The following LAMA4 variants were observed in gnomAD, a reference collection of about 807,000 sequenced individuals.
The protein encoded by LAMA4 is laminin subunit alpha 4.
A neutral mutation model predicts 207.1 loss-of-function variants in LAMA4; 127 were observed. The ratio of observed to expected loss-of-function variants is 0.61; its 90% CI spans 0.53 to 0.71. The LOEUF (loss-of-function observed/expected upper bound fraction) is 0.71. LAMA4 is among the 30% of genes least tolerant of loss of function. The pLI, the probability that LAMA4 is intolerant of heterozygous loss-of-function variation, is 0.00. For missense variants in LAMA4, 2,093 were observed against 2,246.5 expected (o/e 0.93, Z 1.38); for synonymous variants, 761 against 816.0 (o/e 0.93, Z 1.15).
Position 112,233,635 on chromosome 6 carries a change from T to C in LAMA4, c.196-17166A>G, listed in dbSNP as rs182505843. Reference sequence around the variant, plus strand: ...AGAGCGGGAATCAAAAATGGTTCTTTGGTAGATGTGCGGTTTGTGGAGGAT... The same window carrying C: ...AGAGCGGGAATCAAAAATGGTTCTTCGGTAGATGTGCGGTTTGTGGAGGAT... On this transcript the variant is annotated intron_variant, in intron 2 of 38. Coordinates refer to ENST00000230538, the MANE Select transcript of LAMA4 (RefSeq NM_001105206.3). Among the ~76,000 whole-genome samples, 162 of 152,194 alleles carry C rather than the reference T, an allele frequency of 1.1e-3. 1 individual carries two copies. Among genetic ancestry groups the C allele is most frequent in the Non-Finnish European group, 1.7e-3 (113 of 67,990 alleles).
At chr6:112,210,061 G>A (rs1784280076) in intron 3 of LAMA4, among the ~76,000 whole-genome samples, 1 of 152,074 alleles carries the variant, frequency 6.6e-6, no homozygotes. Flanking sequence ...CAGGCCATGT[G>A]AAGATGTGCC....
chr6:112,138,076 T>C (rs1554332063), intron 24 of LAMA4, among the ~76,000 whole-genome samples: 1 of 152,110 alleles, frequency 6.6e-6, no homozygotes, highest in Non-Finnish European at 1.5e-5. Flanking sequence ...CTACAAAAAC[T>C]CTCCTATCAG....
Position 112,119,325 on chromosome 6 carries a change from A to G in LAMA4, c.4666-14T>C, listed in dbSNP as rs1583638254. On this transcript the variant is annotated splice_polypyrimidine_tract_variant and intron_variant, in intron 33 of 38. Coordinates refer to ENST00000230538, the MANE Select transcript of LAMA4 (RefSeq NM_001105206.3). ...AATAAATATCACCTGGATGAAGAGA[A>G]GGACAATAGCACATCTCAGGTACAT... 5 of 1,612,902 alleles carry G rather than the reference A, an allele frequency of 3.1e-6. No individual in the cohort carries two copies. In the East Asian group the frequency reaches 1.1e-4, roughly 36 times the overall value.
At chr6:112,179,826 A>T (rs1215725103) in intron 9 of LAMA4, 12 of 477,218 alleles carry the variant, frequency 2.5e-5, no homozygotes, top group South Asian at 1.2e-4. Context: ...CACAGAGCCC[A>T]CTGTGCAGCG....
At chr6:112,197,868 C>T (rs1006830260) in intron 5 of LAMA4, among the ~76,000 whole-genome samples, 1 of 152,206 alleles carries the variant, frequency 6.6e-6, no homozygotes, top group East Asian at 1.9e-4. Flanking sequence ...CTGTTATTTT[C>T]TCCCAGCACT....
intron 16 of LAMA4, among the ~76,000 whole-genome samples, chr6:112,153,223 G>T (rs1554336116): frequency 6.6e-6 from 1 of 151,988 alleles, no homozygotes; most frequent in Non-Finnish European, 1.5e-5. Context: ...TTGGAATGGA[G>T]AAATGTAATC....
chr6:112,126,455 A>T (rs1417402280), intron 31 of LAMA4, among the ~76,000 whole-genome samples: 3 of 152,212 alleles, frequency 2.0e-5, no homozygotes, highest in Non-Finnish European at 2.9e-5. Flanking sequence ...CAATGAAATT[A>T]TCTGTCTTCC....
Position 112,150,564 on chromosome 6 carries a change from G to C in LAMA4, c.2120C>G (p.Ala707Gly). 1.2e-6 allele frequency: 2 copies of C among 1,613,974 alleles called. No individual in the cohort carries two copies. The highest frequency in any genetic ancestry group is 1.7e-5 in the Admixed American group (1 of 60,012). The change falls in exon 17 of 39, where the codon GCC (alanine) becomes GGC (glycine). Residue 707 changes from alanine (A) to glycine (G), a missense_variant. Around this residue, in one of 3 missense-constraint regions of LAMA4, gnomAD observed 1,704 missense variants for 1,788.4 expected, o/e 0.95. Coordinates refer to ENST00000230538, the MANE Select transcript of LAMA4 (RefSeq NM_001105206.3). Reference sequence around the variant, plus strand: ...GGCATCACTGAGTCTGGTTTTAAGGGCACTTTTCCTTGCTAGGGCTCCACC... The same window carrying C: ...GGCATCACTGAGTCTGGTTTTAAGGCCACTTTTCCTTGCTAGGGCTCCACC... ...RVGGALARKSALKTRLSDAVK... is the reference protein window; with the variant it reads ...RVGGALARKSGLKTRLSDAVK...
intron 2 of LAMA4, among the ~76,000 whole-genome samples, chr6:112,230,176 A>G (rs1785462824): frequency 6.6e-6 from 1 of 152,220 alleles, no homozygotes; most frequent in South Asian, 2.1e-4. Context: ...TTTGTTCACC[A>G]TGCACCTGGC....
At chr6:112,179,201 T>C (rs1189848399) in intron 9 of LAMA4, 1 of 152,176 alleles carries the variant, frequency 6.6e-6, no homozygotes, top group Admixed American at 6.5e-5. Flanking sequence ...TCACACAGTA[T>C]TTGTCAAAAA....
rs782121531 is a variant in LAMA4 at position 112,191,681 on chromosome 6, C to T, written c.673G>A (p.Ala225Thr). The change falls in exon 6 of 39, where the codon GCT (alanine) becomes ACT (threonine). Residue 225 changes from alanine (A) to threonine (T), a missense_variant. By Grantham distance (58) the Ala-to-Thr change is moderately conservative. Transcript: ENST00000230538. ...NTTGFKCERC[A>T]PGYYGDARIA... The stretch of plus-strand genomic sequence containing the variant: ...CTGGCGTCCCCATAGTAGCCAGGAG[C>T]GCAACGTTCACACTTGAATCCGGTG... 1.2e-5 allele frequency: 19 copies of T among 1,613,956 alleles called. No homozygotes were observed. Among genetic ancestry groups the T allele is most frequent in the African/African-American group, 5.3e-5 (4 of 74,926 alleles).
At chr6:112,174,850 A>C (rs1157068278) in intron 11 of LAMA4, among the ~76,000 whole-genome samples, 5 of 152,224 alleles carry the variant, frequency 3.3e-5, no homozygotes, top group East Asian at 1.9e-4. Context: ...AGATTCAATA[A>C]TACTACTGTG....
rs587704634 is a variant in LAMA4 at position 112,109,192 on chromosome 6, G to C, written c.*245C>G. On this transcript the variant is annotated 3_prime_UTR_variant, in exon 39 of 39. Transcript: ENST00000230538. ...CAGTAATTTCACCAGTAGGAATTGC[G>C]TGTGCTCTCAATACAAGTAAGTTTG... 3.8e-6 allele frequency: 2 copies of C among 530,030 alleles called. No homozygotes were observed. Among genetic ancestry groups the C allele is most frequent in the Non-Finnish European group, 6.8e-6 (2 of 294,372 alleles). 32.8% of individuals were successfully genotyped at this position (530,030 alleles called of 1,614,324 possible). A position where few individuals can be genotyped will look rare whatever the true frequency, so the allele number is the denominator to read the frequency against.
intron 6 of LAMA4, 137 bp downstream of exon 6, chr6:112,191,499 T>C: frequency 1.4e-6 from 1 of 708,908 alleles, no homozygotes; most frequent in Non-Finnish European, 2.5e-6. Flanking sequence ...TGCATATTCC[T>C]GAGAATGTAC....
intron 38 of LAMA4, among the ~76,000 whole-genome samples, chr6:112,113,781 GATAAA>G (rs1777842443): frequency 6.6e-6 from 1 of 152,160 alleles, no homozygotes. Flanking sequence ...TTGTGTTAGA[GATAAA>G]ATAAGAGTAT....
chr6:112,236,139 T>A (rs1785904716), intron 2 of LAMA4: 1 of 152,206 alleles, frequency 6.6e-6, no homozygotes, highest in African/African-American at 2.4e-5. Context: ...TTGGTTGTGG[T>A]TCCAGTTCTA....
intron 2 of LAMA4, among the ~76,000 whole-genome samples, chr6:112,228,105 G>C (rs1785326077): frequency 6.6e-6 from 1 of 152,216 alleles, no homozygotes; most frequent in Non-Finnish European, 1.5e-5. Flanking sequence ...GGGATCAAGA[G>C]AGCTAATAAT....
intron 12 of LAMA4, among the ~76,000 whole-genome samples, chr6:112,168,444 C>T (rs986824548): frequency 6.7e-6 from 1 of 149,906 alleles, no homozygotes; most frequent in African/African-American, 2.4e-5. Context: ...CTCCCGGACT[C>T]AAGCAATTCT....
At chr6:112,187,711 G>A in intron 7 of LAMA4, 110 bp from the exon 8 acceptor site, 1 of 1,080,032 alleles carries the variant, frequency 9.3e-7, no homozygotes, top group East Asian at 2.6e-5. Context: ...TTTTATTTTT[G>A]TCTCATGAAG....
Sources: gnomAD v4.1 joint callset for allele counts (sites outside exome capture counted in the v4.1 genomes callset) on GRCh38, gnomAD v4.1.1 for gene constraint, gnomAD v4.1.1 regional missense constraint, MANE v1.5 for transcripts, NCBI Gene and HGNC (gene_info 2026-07-23, HGNC 2026-07-21) for gene names.